The following MCTP2 variants were observed in gnomAD, a reference collection of about 807,000 sequenced individuals.
The protein encoded by MCTP2 is multiple C2 and transmembrane domain-containing protein 2.
Under a neutral mutation model 111.6 loss-of-function variants are expected in MCTP2, and 132 were observed. The observed-to-expected ratio is 1.18, with a 90% confidence interval of 1.03 to 1.37. The LOEUF (loss-of-function observed/expected upper bound fraction) is 1.37, where lower values mean the gene tolerates loss of function less well. MCTP2 is among the 40% of genes most tolerant of loss of function. The pLI, the probability that MCTP2 is intolerant of heterozygous loss-of-function variation, is 0.00. For missense variants in MCTP2, 1,183 were observed against 1,067.9 expected, an observed-to-expected ratio of 1.11 and a Z score of -1.50; for synonymous variants, 395 against 387.7, an observed-to-expected ratio of 1.02 and a Z score of -0.22.
At chr15:94,385,394 G>A (rs1187942644) in intron 13 of MCTP2, 29 bp from the exon 14 acceptor site, 8 of 1,452,060 alleles carry the variant, frequency 5.5e-6, no homozygotes, top group South Asian at 1.1e-5. Context: ...GTGTGTTTTT[G>A]TGTATAATAC....
intron 21 of MCTP2, among the ~76,000 whole-genome samples, 180 bp downstream of exon 21, chr15:94,470,622 A>G (rs2073843208): frequency 6.6e-6 from 1 of 152,236 alleles, no homozygotes; most frequent in Non-Finnish European, 1.5e-5. Flanking sequence ...TGCATGAGTG[A>G]TCAGCATAGA....
chr15:94,356,190 C>G lies in MCTP2; in HGVS notation c.1059C>G (p.Leu353=), dbSNP rs750843894. The G allele has an allele frequency of 3.7e-6, 6 of 1,613,056 alleles. No individual in the cohort carries two copies. In the East Asian group the frequency reaches 1.3e-4, roughly 36 times the overall value. The change falls in exon 9 of 23, where the codon CTC becomes CTG. Residue 353 remains leucine, a synonymous_variant. Coordinates refer to ENST00000357742, the MANE Select transcript of MCTP2 (RefSeq NM_001385001.1). ...RLSESLKKNQ[L]WNGIISITLL... ...CTGAGTCCTTGAAAAAGAACCAACT[C>G]TGGAACGGGATTATAAGTATAACTT...
intron 8 of MCTP2, among the ~76,000 whole-genome samples, chr15:94,346,621 G>A (rs2077994358): frequency 6.6e-6 from 1 of 152,140 alleles, no homozygotes; most frequent in South Asian, 2.1e-4. Context: ...CACGGGTACT[G>A]TACATCAATA....
chr15:94,340,370 T>C (rs10152496), intron 6 of MCTP2, 95 bp downstream of exon 6: 420,626 of 886,748 alleles, frequency 0.47, 101,295 homozygotes, highest in African/African-American at 0.58. Context: ...ATGACAAAAA[T>C]AACATATCTG....
At chr15:94,470,803 C>T (rs1044140311) in intron 21 of MCTP2, among the ~76,000 whole-genome samples, 1 of 152,004 alleles carries the variant, frequency 6.6e-6, no homozygotes, top group Non-Finnish European at 1.5e-5. Context: ...GCATCATGCC[C>T]TTGATATTAT....
chr15:94,375,556 C>T (rs555364022), intron 12 of MCTP2, among the ~76,000 whole-genome samples: 2 of 152,088 alleles, frequency 1.3e-5, no homozygotes, highest in African/African-American at 4.8e-5. Flanking sequence ...TTTTGGCACC[C>T]TTTGCCATTA....
intron 1 of MCTP2, among the ~76,000 whole-genome samples, chr15:94,258,030 T>A (rs983320881): frequency 7.3e-6 from 1 of 137,392 alleles, no homozygotes; most frequent in South Asian, 2.4e-4. Flanking sequence ...CCTGCCACCA[T>A]GTCATTTTTT....
In MCTP2 at chr15:94,298,200, G is replaced by T; in HGVS notation, c.-65-1G>T. 16 of 1,149,820 alleles carry T rather than the reference G, an allele frequency of 1.4e-5. No homozygotes were observed. The highest frequency in any genetic ancestry group is 1.8e-5 in the Non-Finnish European group (15 of 833,234). 71.2% of individuals were successfully genotyped at this position (1,149,820 alleles called of 1,614,324 possible). A position where few individuals can be genotyped will look rare whatever the true frequency, so the allele number is the denominator to read the frequency against. ...TTTTGTTGTTTTTTTCTGTTTTATA[G>T]GAGTCATTGCAGTTTTCAGTAGAGG... On this transcript the variant is annotated splice_acceptor_variant, in intron 1 of 22. Coordinates refer to ENST00000357742, the MANE Select transcript of MCTP2 (RefSeq NM_001385001.1). LOFTEE classifies it low-confidence loss of function (5UTR_SPLICE).
intron 20 of MCTP2, among the ~76,000 whole-genome samples, chr15:94,460,890 T>C (rs533923763): frequency 1.3e-5 from 2 of 152,352 alleles, no homozygotes; most frequent in East Asian, 3.9e-4. Context: ...TGGGATGTCG[T>C]GTGTAATTCT....
Position 94,476,701 on chromosome 15 carries a change from A to C in MCTP2, c.2476A>C (p.Asn826His). 6.4e-7 allele frequency: 1 copy of C among 1,563,158 alleles called. No individual in the cohort carries two copies. Among genetic ancestry groups the C allele is most frequent in the Non-Finnish European group, 8.8e-7 (1 of 1,134,252 alleles). ...CCTGTGTTTCTATTTTTCAGGCATAAATAAATTTACTAAGAAGCTTCGAAA... is the reference window on the plus strand; with the variant it reads ...CCTGTGTTTCTATTTTTCAGGCATACATAAATTTACTAAGAAGCTTCGAAA... ...LRYIILIWGI[N>H]KFTKKLRNPY... Residue 826 changes from asparagine to histidine, a missense_variant, in exon 22 of 23, where the codon AAT becomes CAT. Physicochemically the swap from Asn to His is moderately conservative, Grantham distance 68. Transcript: ENST00000357742.
Position 94,379,056 on chromosome 15 carries a change from G to GTTT in MCTP2, c.1583-4962_1583-4960dup, listed in dbSNP as rs1196936486. On this transcript the variant is annotated intron_variant, in intron 12 of 22. Transcript: ENST00000357742. ...AGGTTAAACTAGGCCTGAGAAGTTA[G>GTTT]TTTTTTGTTTTTTGTTTTTTTTTTT... 9.7e-4 allele frequency among the ~76,000 whole-genome samples: 146 copies of GTTT among 150,886 alleles called. 1 individual carries two copies. In the South Asian group the frequency reaches 0.014, roughly 14 times the overall value.
intron 10 of MCTP2, 148 bp from the exon 11 acceptor site, chr15:94,367,457 A>C (rs1426050563): frequency 1.7e-6 from 1 of 603,730 alleles, no homozygotes; most frequent in Non-Finnish European, 2.8e-6. Context: ...AGCATTATGA[A>C]TTAGGGCAAC....
chr15:94,323,403 A>C (rs946450964), intron 4 of MCTP2, among the ~76,000 whole-genome samples: 3 of 152,224 alleles, frequency 2.0e-5, no homozygotes, highest in Non-Finnish European at 4.4e-5. Context: ...AAGCATGCTT[A>C]ATACCCATGA....
intron 1 of MCTP2, among the ~76,000 whole-genome samples, chr15:94,261,015 A>C (rs538826630): frequency 6.6e-6 from 1 of 152,272 alleles, no homozygotes; most frequent in African/African-American, 2.4e-5. Flanking sequence ...ACCTTTTATC[A>C]TGACCGAGAC....
intron 2 of MCTP2, among the ~76,000 whole-genome samples, chr15:94,305,437 G>A (rs990280797): frequency 1.3e-5 from 2 of 152,116 alleles, no homozygotes; most frequent in Non-Finnish European, 2.9e-5. Context: ...GAGCACCATA[G>A]TCTACTGCCA....
At position 94,356,163 on chromosome 15, in the gene MCTP2, C is replaced by G. The variant is rs369826531; in HGVS notation, c.1032C>G (p.Leu344=). 1 of 1,611,112 alleles carries G rather than the reference C, an allele frequency of 6.2e-7. No homozygotes were observed. The highest frequency in any genetic ancestry group is 1.7e-5 in the Admixed American group (1 of 59,788). ...CCTCTTTGATACGCAACCTACGGCT[C>G]TCTGAGTCCTTGAAAAAGAACCAAC... ...SKSSLIRNLR[L]SESLKKNQLW... The change falls in exon 9 of 23, where the codon CTC becomes CTG. Residue 344 remains leucine (L), a synonymous_variant. Coordinates refer to ENST00000357742, the MANE Select transcript of MCTP2 (RefSeq NM_001385001.1).
chr15:94,301,990 GA>G (rs1330544159), intron 2 of MCTP2, among the ~76,000 whole-genome samples: 1 of 146,964 alleles, frequency 6.8e-6, no homozygotes, highest in Non-Finnish European at 1.5e-5. Context: ...AGGAAGAAAT[GA>G]AGAAGAAGGA....
chr15:94,236,524 G>T (rs1238726565), intron 1 of MCTP2, among the ~76,000 whole-genome samples: 2 of 151,314 alleles, frequency 1.3e-5, no homozygotes, highest in Non-Finnish European at 2.9e-5. Context: ...AGGTTGCTGT[G>T]CCTTTACTTC....
chr15:94,243,833 ATATT>A (rs1237777666), intron 1 of MCTP2, among the ~76,000 whole-genome samples: 24 of 148,072 alleles, frequency 1.6e-4, no homozygotes, highest in African/African-American at 2.7e-4. Context: ...ACATATGTAT[ATATT>A]TATGTACACA....
Sources: gnomAD v4.1 joint callset for allele counts (sites outside exome capture counted in the v4.1 genomes callset) on GRCh38, gnomAD v4.1.1 for gene constraint, MANE v1.5 for transcripts, NCBI Gene and HGNC (gene_info 2026-07-23, HGNC 2026-07-21) for gene names.